KALRN: variants seen among roughly 807,000 people sequenced by gnomAD.
The protein encoded by KALRN is kalirin.
In KALRN, 70 loss-of-function variants were observed where a neutral mutation model predicts 353.7. That is an observed-to-expected ratio of 0.20 (90% CI 0.16 to 0.24). The LOEUF is 0.24. KALRN is among the 10% of genes least tolerant of loss of function. KALRN has a pLI of 1.00. For synonymous variants in KALRN, 1,391 were observed against 1,434.8 expected (o/e 0.97, Z 0.69); for missense variants, 2,791 against 3,756.7 (o/e 0.74, Z 6.72).
intron 11 of KALRN, among the ~76,000 whole-genome samples, chr3:124,388,239 C>T (rs1484328989): frequency 1.3e-5 from 2 of 152,042 alleles, no homozygotes; most frequent in Non-Finnish European, 2.9e-5. Flanking sequence ...TAGTAGGAAA[C>T]TTCCTCCCAA....
At chr3:124,493,467 A>C (rs2063383894) in intron 32 of KALRN, among the ~76,000 whole-genome samples, 1 of 152,152 alleles carries the variant, frequency 6.6e-6, no homozygotes. Flanking sequence ...CCCATGGATG[A>C]CTTCTTAAGT....
chr3:124,197,599 C>T (rs574948195), intron 1 of KALRN, among the ~76,000 whole-genome samples: 2 of 152,310 alleles, frequency 1.3e-5, no homozygotes, highest in Middle Eastern at 3.4e-3. Flanking sequence ...TCCAGCCCAA[C>T]CTCAGTGTCT....
chr3:124,247,902 C>G (rs780423685), intron 3 of KALRN, among the ~76,000 whole-genome samples: 1 of 152,116 alleles, frequency 6.6e-6, no homozygotes, highest in Non-Finnish European at 1.5e-5. Flanking sequence ...AAGTCTCCCC[C>G]TCGCCTTCTC....
rs144852370 is a variant in KALRN at position 124,362,910 on chromosome 3, A to G, written c.1770+15645A>G. Among the ~76,000 whole-genome samples, 460 of 152,330 alleles carry G rather than the reference A, an allele frequency of 3.0e-3. 2 individuals carry two copies. The highest frequency in any genetic ancestry group is 0.01 in the African/African-American group (436 of 41,576). ...TGCTTAAAAAAATACAGCTAAGAGAATAGGATTATTTGGATGTAGATCTTG... is the reference window on the plus strand; with the variant it reads ...TGCTTAAAAAAATACAGCTAAGAGAGTAGGATTATTTGGATGTAGATCTTG... On this transcript the variant is annotated intron_variant, in intron 10 of 59. Coordinates refer to ENST00000682506, the MANE Select transcript of KALRN (RefSeq NM_001388419.1).
intron 37 of KALRN, among the ~76,000 whole-genome samples, chr3:124,648,217 C>A (rs1038890442): frequency 2.2e-4 from 34 of 152,188 alleles, no homozygotes; most frequent in African/African-American, 8.0e-4. Context: ...AAAATCAAAC[C>A]CATTGTTTTA....
rs114393659 is a variant in KALRN, at chr3:124,129,455, A to G, written c.73+95642A>G. 5.3e-3 allele frequency among the ~76,000 whole-genome samples: 800 copies of G among 152,216 alleles called. 9 individuals are homozygous for G. The highest frequency in any genetic ancestry group is 0.018 in the African/African-American group (759 of 41,532). On this transcript the variant is annotated intron_variant, in intron 1 of 59. Coordinates refer to ENST00000682506, the MANE Select transcript of KALRN (RefSeq NM_001388419.1). ...AGCCCCTTCTCACTTTACCCACCCA[A>G]CTAGAGACATACTCTTTAAGGGTGG...
chr3:124,541,624 C>G (rs956000215), intron 33 of KALRN, among the ~76,000 whole-genome samples: 9 of 151,464 alleles, frequency 5.9e-5, no homozygotes, highest in Non-Finnish European at 1.3e-4. Flanking sequence ...CAGTGGCTTA[C>G]GCCAGTAATC....
At chr3:124,392,853 T>C (rs886573989) in intron 11 of KALRN, among the ~76,000 whole-genome samples, 11 of 151,988 alleles carry the variant, frequency 7.2e-5, no homozygotes, top group African/African-American at 2.4e-4. Flanking sequence ...TAGTTACATA[T>C]GTATACATGT....
At chr3:124,608,833 G>A (rs560433254) in intron 34 of KALRN, among the ~76,000 whole-genome samples, 3 of 152,328 alleles carry the variant, frequency 2.0e-5, no homozygotes, top group Admixed American at 6.5e-5. Context: ...GCAAGATTGG[G>A]TTTTACCTAA....
At chr3:124,254,068 C>T (rs1394556283) in intron 3 of KALRN, among the ~76,000 whole-genome samples, 1 of 152,112 alleles carries the variant, frequency 6.6e-6, no homozygotes, top group Non-Finnish European at 1.5e-5. Context: ...TTCTCTGCTG[C>T]CAGAGCACAG....
chr3:124,207,933 G>T (rs1244280465), intron 1 of KALRN, among the ~76,000 whole-genome samples: 1 of 152,180 alleles, frequency 6.6e-6, no homozygotes, highest in Non-Finnish European at 1.5e-5. Flanking sequence ...GTTCTGTGAG[G>T]TAAGTGATCA....
chr3:124,495,961 G>GTATATA (rs1247326841), intron 32 of KALRN, among the ~76,000 whole-genome samples: 2 of 37,894 alleles, frequency 5.3e-5, no homozygotes, highest in East Asian at 1.0e-3. Context: ...GTATGTGTAT[G>GTATATA]TATGTATATA....
At chr3:124,181,697 G>A (rs941552116) in intron 1 of KALRN, among the ~76,000 whole-genome samples, 2 of 152,098 alleles carry the variant, frequency 1.3e-5, no homozygotes, top group Non-Finnish European at 1.5e-5. Context: ...TGCTGCAGTC[G>A]TTTGGAAGGA....
At chr3:124,236,362 C>A (rs554963527) in intron 3 of KALRN, among the ~76,000 whole-genome samples, 1 of 152,052 alleles carries the variant, frequency 6.6e-6, no homozygotes, top group Non-Finnish European at 1.5e-5. Flanking sequence ...CTAAATAACT[C>A]GTGATTGATA....
chr3:124,607,621 C>G (rs1052073229), intron 34 of KALRN, among the ~76,000 whole-genome samples: 1 of 152,128 alleles, frequency 6.6e-6, no homozygotes, highest in African/African-American at 2.4e-5. Context: ...ATCCTAGAGA[C>G]CTTGACTTTA....
chr3:124,512,698 A>C (rs147699059), intron 33 of KALRN, among the ~76,000 whole-genome samples: 1,891 of 152,082 alleles, frequency 0.012, 19 homozygotes, highest in Middle Eastern at 0.044. Context: ...AAAAACATGA[A>C]GGGGGAATAT....
intron 13 of KALRN, among the ~76,000 whole-genome samples, chr3:124,401,051 G>A (rs532349329): frequency 5.3e-5 from 8 of 152,282 alleles, no homozygotes; most frequent in South Asian, 2.1e-4. Flanking sequence ...TGGGGGCATC[G>A]CAAGTGTGTC....
intron 1 of KALRN, among the ~76,000 whole-genome samples, chr3:124,191,276 G>C (rs2074882323): frequency 6.6e-6 from 1 of 151,810 alleles, no homozygotes; most frequent in African/African-American, 2.4e-5. Flanking sequence ...ACTGGTTATT[G>C]ATGATCAACT....
intron 6 of KALRN, among the ~76,000 whole-genome samples, chr3:124,305,144 C>T (rs1297020099): frequency 6.6e-6 from 1 of 152,158 alleles, no homozygotes; most frequent in Non-Finnish European, 1.5e-5. Flanking sequence ...AGAGATTTTG[C>T]TTGGGGTAGA....
Sources: gnomAD v4.1 joint callset for allele counts (sites outside exome capture counted in the v4.1 genomes callset) on GRCh38, gnomAD v4.1.1 for gene constraint, MANE v1.5 for transcripts, NCBI Gene and HGNC (gene_info 2026-07-23, HGNC 2026-07-21) for gene names.